Variants in CADM2 observed in about 807,000 individuals in gnomAD.
CADM2 encodes the protein cell adhesion molecule 2.
Under a neutral mutation model 49.8 loss-of-function variants are expected in CADM2, and 12 were observed. The ratio of observed to expected loss-of-function variants is 0.24; its 90% CI spans 0.15 to 0.39. The LOEUF is 0.39. Ranked by LOEUF, CADM2 falls within the 10% of genes least tolerant of loss-of-function variation. The probability of loss-of-function intolerance (pLI) is 1.00; values close to 1 mark genes in which losing one functional copy is unlikely to be tolerated. For synonymous variants in CADM2, 214 were observed against 175.4 expected, an observed-to-expected ratio of 1.22 and a Z score of -1.74; for missense variants, 378 against 492.3, an observed-to-expected ratio of 0.77 and a Z score of 2.20.
At chr3:85,033,950 A>G (rs1312863828) in intron 1 of CADM2, among the ~76,000 whole-genome samples, 1 of 152,138 alleles carries the variant, frequency 6.6e-6, no homozygotes, top group Non-Finnish European at 1.5e-5. Flanking sequence ...GGTATTTCCA[A>G]TATTTATGGT....
chr3:86,003,710 C>T lies in CADM2; in HGVS notation c.970+42063C>T, dbSNP rs138584620. ...ACAATAGTCACAGTAAAACTTCATA[C>T]CTTTAAGAATTCATCCCTACATTAA... On this transcript the variant is annotated intron_variant, in intron 8 of 9. Coordinates refer to ENST00000383699, the MANE Select transcript of CADM2 (RefSeq NM_001167675.2). 4.5e-4 allele frequency among the ~76,000 whole-genome samples: 68 copies of T among 152,216 alleles called. No homozygotes were observed. The East Asian group carries it at 5.8e-3, about 13-fold the overall frequency.
At chr3:85,840,319 A>G (rs1206315727) in intron 3 of CADM2, among the ~76,000 whole-genome samples, 2 of 151,784 alleles carry the variant, frequency 1.3e-5, no homozygotes, top group Non-Finnish European at 1.5e-5. Flanking sequence ...GACAACACCT[A>G]CTTTCTTTGT....
intron 1 of CADM2, among the ~76,000 whole-genome samples, chr3:85,635,461 C>T (rs965635177): frequency 1.3e-5 from 2 of 151,976 alleles, no homozygotes; most frequent in African/African-American, 2.4e-5. Context: ...CTTATACCTC[C>T]GATGGTATTT....
intron 1 of CADM2, among the ~76,000 whole-genome samples, chr3:85,472,417 G>T (rs910955450): frequency 6.6e-6 from 1 of 151,786 alleles, no homozygotes; most frequent in Non-Finnish European, 1.5e-5. Flanking sequence ...CACATACACA[G>T]AGTGATATAT....
At chr3:85,885,204 T>A (rs1421690038) in intron 4 of CADM2, among the ~76,000 whole-genome samples, 2 of 152,102 alleles carry the variant, frequency 1.3e-5, no homozygotes, top group African/African-American at 4.8e-5. Flanking sequence ...TATTAAATGA[T>A]TGTTTTTAAG....
intron 1 of CADM2, among the ~76,000 whole-genome samples, chr3:85,031,012 G>T (rs1001704623): frequency 6.6e-6 from 1 of 152,106 alleles, no homozygotes; most frequent in South Asian, 2.1e-4. Flanking sequence ...AGTAATTGTG[G>T]CACCTTTACC....
chr3:85,780,162 T>G (rs1273885926), intron 2 of CADM2, among the ~76,000 whole-genome samples: 1 of 152,222 alleles, frequency 6.6e-6, no homozygotes, highest in Non-Finnish European at 1.5e-5. Flanking sequence ...TATTTTCATT[T>G]GCTTTGTTAA....
In CADM2 at chr3:85,512,002, A is replaced by G. The variant is rs1407831366; in HGVS notation, c.62-214520A>G. 6.6e-6 allele frequency: 3 copies of G among 457,844 alleles called. No homozygotes were observed. The East Asian group carries it at 4.7e-4, about 71-fold the overall frequency. 28.4% of individuals were successfully genotyped at this position (457,844 alleles called of 1,614,324 possible). On this transcript the variant is annotated intron_variant, in intron 1 of 9. Transcript: ENST00000383699. Reference sequence around the variant, plus strand: ...TGTTTTAAAGCCAATGTTCTTTTAAAATTTTTTTCAACTCTCATTACATTC... The same window carrying G: ...TGTTTTAAAGCCAATGTTCTTTTAAGATTTTTTTCAACTCTCATTACATTC...
intron 1 of CADM2, among the ~76,000 whole-genome samples, chr3:85,042,671 A>G (rs1278410494): frequency 6.6e-6 from 1 of 152,246 alleles, no homozygotes; most frequent in Admixed American, 6.5e-5. Context: ...TTACAGCAGA[A>G]CAGTTTTGAA....
At chr3:85,871,958 G>A (rs2075947352) in intron 3 of CADM2, among the ~76,000 whole-genome samples, 1 of 152,130 alleles carries the variant, frequency 6.6e-6, no homozygotes, top group South Asian at 2.1e-4. Context: ...CAGTTTATTA[G>A]CCAATTATTT....
intron 1 of CADM2, among the ~76,000 whole-genome samples, chr3:85,094,100 A>G (rs2037702891): frequency 1.3e-5 from 2 of 152,132 alleles, no homozygotes; most frequent in African/African-American, 4.8e-5. Context: ...GTAGAGTCCT[A>G]CATTTACTCA....
chr3:85,565,601 T>G (rs2062232982), intron 1 of CADM2, among the ~76,000 whole-genome samples: 5 of 152,112 alleles, frequency 3.3e-5, no homozygotes, highest in Admixed American at 3.3e-4. Context: ...CATATCTCTC[T>G]GTGAATCATA....
At chr3:85,658,774 G>T (rs937113273) in intron 1 of CADM2, among the ~76,000 whole-genome samples, 2 of 150,360 alleles carry the variant, frequency 1.3e-5, no homozygotes, top group Non-Finnish European at 1.5e-5. Context: ...GATCAAGCTG[G>T]ACATGGTAAC....
At chr3:85,148,722 G>A (rs1274577709) in intron 1 of CADM2, among the ~76,000 whole-genome samples, 2 of 152,070 alleles carry the variant, frequency 1.3e-5, no homozygotes, top group African/African-American at 2.4e-5. Flanking sequence ...GGTTGTATAT[G>A]TATTATATAA....
chr3:85,476,592 T>G (rs746615979), intron 1 of CADM2, among the ~76,000 whole-genome samples: 1 of 41,930 alleles, frequency 2.4e-5, no homozygotes, highest in Admixed American at 3.4e-4. Flanking sequence ...GTCAATGATT[T>G]GCCAGTGCAC....
chr3:85,490,996 A>AT (rs985331411), intron 1 of CADM2, among the ~76,000 whole-genome samples: 18 of 152,270 alleles, frequency 1.2e-4, no homozygotes, highest in Non-Finnish European at 2.6e-4. Context: ...AAAGAAATAT[A>AT]TTTTTTTACT....
At chr3:85,329,971 A>C (rs1284075537) in intron 1 of CADM2, among the ~76,000 whole-genome samples, 1 of 152,176 alleles carries the variant, frequency 6.6e-6, no homozygotes, top group African/African-American at 2.4e-5. Context: ...ATGAAAATCA[A>C]TTTTATTGGC....
chr3:85,407,017 G>A (rs2035413364), intron 1 of CADM2, among the ~76,000 whole-genome samples: 1 of 152,010 alleles, frequency 6.6e-6, no homozygotes, highest in Non-Finnish European at 1.5e-5. Context: ...GCAGCATAGG[G>A]AGACCTTGTT....
intron 1 of CADM2, among the ~76,000 whole-genome samples, chr3:84,987,315 C>T (rs975860806): frequency 6.6e-6 from 1 of 151,944 alleles, no homozygotes; most frequent in African/African-American, 2.4e-5. Context: ...GGAACTCTTC[C>T]AGCCAAATGC....
Sources: gnomAD v4.1 joint callset for allele counts (sites outside exome capture counted in the v4.1 genomes callset) on GRCh38, gnomAD v4.1.1 for gene constraint, MANE v1.5 for transcripts, NCBI Gene and HGNC (gene_info 2026-07-23, HGNC 2026-07-21) for gene names.